HYAL4: variants seen among roughly 807,000 people sequenced by gnomAD.
The protein encoded by HYAL4 is hyaluronidase-4.
In HYAL4, 37 loss-of-function variants were observed where a neutral mutation model predicts 35.2. The ratio of observed to expected loss-of-function variants is 1.05; its 90% CI spans 0.81 to 1.38. The LOEUF (loss-of-function observed/expected upper bound fraction) is 1.38, where lower values mean the gene tolerates loss of function less well. Among genes scored for constraint, HYAL4 ranks in the 40% most tolerant of loss-of-function variants. HYAL4 has a pLI of 0.00. For missense variants in HYAL4, 572 were observed against 572.4 expected, an observed-to-expected ratio of 1.00 and a Z score of 0.01; for synonymous variants, 198 against 203.2, an observed-to-expected ratio of 0.97 and a Z score of 0.22.
chr7:123,795,126 G>T, the HYAL4 span, among the ~76,000 whole-genome samples: 1 of 152,234 alleles, frequency 6.6e-6, no homozygotes, highest in Non-Finnish European at 1.5e-5. Flanking sequence ...TATTGGACTT[G>T]CATGCAGCCT....
At chr7:123,778,878 C>G in the HYAL4 span, among the ~76,000 whole-genome samples, 2 of 152,130 alleles carry the variant, frequency 1.3e-5, no homozygotes, top group Admixed American at 1.3e-4. Flanking sequence ...AATTACACTT[C>G]CTCATACTCT....
intron 3 of HYAL4, among the ~76,000 whole-genome samples, chr7:123,870,395 A>G (rs1173410955): frequency 6.6e-6 from 1 of 152,222 alleles, no homozygotes; most frequent in African/African-American, 2.4e-5. Context: ...ACTTCTATTC[A>G]TACCACCCAG....
intron 2 of HYAL4, among the ~76,000 whole-genome samples, chr7:123,863,758 T>C (rs757332934): frequency 2.6e-5 from 4 of 152,170 alleles, no homozygotes; most frequent in Non-Finnish European, 5.9e-5. Flanking sequence ...TTCTGTGACA[T>C]TGTTTAAGAG....
At chr7:123,770,638 G>A in the HYAL4 span, among the ~76,000 whole-genome samples, 1 of 152,012 alleles carries the variant, frequency 6.6e-6, no homozygotes, top group Non-Finnish European at 1.5e-5. Flanking sequence ...TCTGCTCAGG[G>A]GAGCATTAGT....
At chr7:123,860,511 C>T (rs1322080851) in intron 2 of HYAL4, among the ~76,000 whole-genome samples, 1 of 152,146 alleles carries the variant, frequency 6.6e-6, no homozygotes, top group East Asian at 1.9e-4. Context: ...AAAACAAATA[C>T]ATATTTTAAA....
At chr7:123,797,849 T>A in the HYAL4 span, among the ~76,000 whole-genome samples, 1 of 152,194 alleles carries the variant, frequency 6.6e-6, no homozygotes, top group Non-Finnish European at 1.5e-5. Flanking sequence ...TATCAATGTT[T>A]TCTAAGAAAA....
chr7:123,864,791 G>A (rs537133728), intron 2 of HYAL4, among the ~76,000 whole-genome samples: 7 of 151,682 alleles, frequency 4.6e-5, no homozygotes, highest in African/African-American at 1.5e-4. Flanking sequence ...GAGGGGTCAC[G>A]TGAGGGGATC....
upstream of HYAL4, among the ~76,000 whole-genome samples, chr7:123,841,456 C>CTG (rs1449129131): frequency 1.3e-5 from 2 of 151,154 alleles, no homozygotes; most frequent in Non-Finnish European, 3.0e-5. Context: ...ATTCTCTTTT[C>CTG]TGTGTGTGTA....
chr7:123,839,489 G>T (rs1303266487), intron 1 of HYAL4, among the ~76,000 whole-genome samples: 1 of 152,210 alleles, frequency 6.6e-6, no homozygotes, highest in East Asian at 1.9e-4. Flanking sequence ...TAATCCTTTG[G>T]GTATATACCC....
chr7:123,818,673 T>C, the HYAL4 span, among the ~76,000 whole-genome samples: 1 of 152,224 alleles, frequency 6.6e-6, no homozygotes, highest in Non-Finnish European at 1.5e-5. Flanking sequence ...TGGAACATTG[T>C]AAATATTTCT....
At position 123,868,942 on chromosome 7, in the gene HYAL4, C is replaced by A. The variant is rs1225081205; in HGVS notation, c.669C>A (p.Cys223Ter). The A allele has an allele frequency of 6.2e-7, 1 of 1,613,908 alleles. No homozygotes were observed. The highest frequency in any genetic ancestry group is 8.5e-7 in the Non-Finnish European group (1 of 1,180,012). ...GLWGYYLYPD[C>*]HNYNVYAPNY... ...GGGGTTATTATTTATATCCTGATTG[C>A]CACAATTATAACGTTTATGCCCCAA... is the stretch of plus-strand genomic sequence containing the variant. The change falls in exon 3 of 5, where the codon TGC becomes TGA. Residue 223 changes from cysteine (C) to a stop codon, truncating the protein, a stop_gained. Coordinates refer to ENST00000223026, the MANE Select transcript of HYAL4 (RefSeq NM_012269.3). LOFTEE classifies it high-confidence loss of function.
intron 2 of HYAL4, among the ~76,000 whole-genome samples, chr7:123,866,582 G>T (rs553931881): frequency 5.9e-5 from 9 of 152,194 alleles, no homozygotes; most frequent in African/African-American, 1.9e-4. Flanking sequence ...ATCTCACTAG[G>T]CATCAGGCAT....
the HYAL4 span, among the ~76,000 whole-genome samples, chr7:123,796,138 A>C: frequency 7.2e-5 from 11 of 152,362 alleles, no homozygotes; most frequent in Admixed American, 7.2e-4. Context: ...AATGCAAAGA[A>C]TAAGCACTAT....
At chr7:123,806,188 A>G in the HYAL4 span, among the ~76,000 whole-genome samples, 1 of 152,114 alleles carries the variant, frequency 6.6e-6, no homozygotes, top group Non-Finnish European at 1.5e-5. Context: ...GATCAATCAA[A>G]TTATTGATGA....
the HYAL4 span, chr7:123,790,635 G>A: frequency 2.9e-5 from 4 of 137,230 alleles, no homozygotes; most frequent in African/African-American, 1.1e-4. Flanking sequence ...GAATTTGCGT[G>A]TCATCCTTGC....
At position 123,868,623 on chromosome 7, in the gene HYAL4, G is replaced by C. The variant is rs1806766809; in HGVS notation, c.350G>C (p.Ser117Thr). Residue 117 changes from serine (S) to threonine (T), a missense_variant, in exon 3 of 5, where the codon AGT becomes ACT. Physicochemically the swap from Ser to Thr is moderately conservative, Grantham distance 58. Transcript: ENST00000223026. ...PINGGLPQNI[S>T]LQVHLEKADQ... is the part of the protein sequence containing the mutation. ...AATGGAGGTCTCCCACAGAACATAA[G>C]TTTACAAGTACATCTGGAAAAAGCT... 6.2e-7 allele frequency: 1 copy of C among 1,614,018 alleles called. No individual in the cohort carries two copies. The highest frequency in any genetic ancestry group is 1.7e-5 in the Admixed American group (1 of 59,984).
At chr7:123,768,132 A>G in the HYAL4 span, among the ~76,000 whole-genome samples, 6 of 152,310 alleles carry the variant, frequency 3.9e-5, no homozygotes, top group Admixed American at 3.3e-4. Context: ...ACTTTAAAAG[A>G]ATAGGAAAAT....
intron 1 of HYAL4, among the ~76,000 whole-genome samples, chr7:123,831,561 A>C (rs1584907503): frequency 6.6e-6 from 1 of 152,120 alleles, no homozygotes; most frequent in Non-Finnish European, 1.5e-5. Flanking sequence ...TTCTATTGTT[A>C]TACATTTTAT....
the HYAL4 span, among the ~76,000 whole-genome samples, chr7:123,773,388 AATT>A: frequency 6.6e-6 from 1 of 152,092 alleles, no homozygotes; most frequent in African/African-American, 2.4e-5. Flanking sequence ...TATTTTCCTT[AATT>A]ATTTCCTCTT....
Sources: allele counts gnomAD v4.1 joint callset (sites outside exome capture counted in the v4.1 genomes callset), GRCh38; gene constraint gnomAD v4.1.1; transcripts MANE v1.5; gene names NCBI Gene and HGNC (gene_info 2026-07-23, HGNC 2026-07-21).